LRIG3: variants seen among roughly 807,000 people sequenced by gnomAD.
LRIG3 encodes leucine-rich repeats and immunoglobulin-like domains protein 3.
Under a neutral mutation model 114.5 loss-of-function variants are expected in LRIG3, and 76 were observed. The ratio of observed to expected loss-of-function variants is 0.66; its 90% CI spans 0.55 to 0.80. The LOEUF (loss-of-function observed/expected upper bound fraction) is 0.80, where lower values mean the gene tolerates loss of function less well. Ranked by LOEUF, LRIG3 falls within the 30% of genes least tolerant of loss-of-function variation. The pLI is 0.00. For missense variants in LRIG3, 1,239 were observed against 1,382.8 expected (o/e 0.90, Z 1.65); for synonymous variants, 512 against 519.8 (o/e 0.98, Z 0.20).
At chr12:58,901,316 T>A (rs1478971820) in intron 3 of LRIG3, among the ~76,000 whole-genome samples, 2 of 152,220 alleles carry the variant, frequency 1.3e-5, no homozygotes, top group Admixed American at 1.3e-4. Flanking sequence ...GGTTGAGAGA[T>A]GACCCCACCA....
intron 3 of LRIG3, among the ~76,000 whole-genome samples, chr12:58,912,777 G>A (rs1409982784): frequency 6.6e-6 from 1 of 152,146 alleles, no homozygotes; most frequent in Admixed American, 6.5e-5. Flanking sequence ...AGCTGCAGAT[G>A]TTTACGATAC....
At chr12:58,880,168 C>T (rs1333185409) in intron 13 of LRIG3, among the ~76,000 whole-genome samples, 5 of 151,864 alleles carry the variant, frequency 3.3e-5, no homozygotes, top group African/African-American at 7.3e-5. Context: ...TGGTGGCGCA[C>T]GCCTGTAATC....
At chr12:58,912,320 C>T (rs149646660) in intron 3 of LRIG3, among the ~76,000 whole-genome samples, 2,822 of 152,146 alleles carry the variant, frequency 0.019, 88 homozygotes, top group African/African-American at 0.061. Flanking sequence ...CACGGTGAAA[C>T]CCCCTCTCTA....
chr12:58,917,693 A>G (rs1345614895), intron 1 of LRIG3, among the ~76,000 whole-genome samples: 1 of 152,230 alleles, frequency 6.6e-6, no homozygotes, highest in Non-Finnish European at 1.5e-5. Flanking sequence ...AATTCAACAA[A>G]TGAAACAAAA....
At chr12:58,878,741 C>T in intron 14 of LRIG3, 83 bp downstream of exon 14, 1 of 1,477,978 alleles carries the variant, frequency 6.8e-7, no homozygotes. Context: ...CTTACTCTCA[C>T]AACTTCTGAT....
At chr12:58,880,526 C>A in intron 13 of LRIG3, 55 bp downstream of exon 13, 1 of 1,545,542 alleles carries the variant, frequency 6.5e-7, no homozygotes, top group South Asian at 1.2e-5. Flanking sequence ...AAAACAGGTG[C>A]TTTCTATTTC....
rs1443108258 is a variant in LRIG3 at position 58,874,120 on chromosome 12, T to G, written c.3050A>C (p.Lys1017Thr). 1.9e-6 allele frequency: 3 copies of G among 1,614,214 alleles called. No individual in the cohort carries two copies. Among genetic ancestry groups the G allele is most frequent in the Non-Finnish European group, 2.5e-6 (3 of 1,180,032 alleles). The stretch of plus-strand genomic sequence containing the variant: ...ATTTGCACTAAAATCTAAAGAGGAC[T>G]TGTTTAGACACAGATTTTTCATTCC... ...GPGMKNLCLNKSSLDFSANPE... is the reference protein window; with the variant it reads ...GPGMKNLCLNTSSLDFSANPE... The change falls in exon 18 of 19, where the codon AAG becomes ACG. Residue 1017 changes from lysine to threonine, a missense_variant. Physicochemically the swap from Lys to Thr is moderately conservative, Grantham distance 78. Transcript: ENST00000320743.
rs139969938 is a variant in LRIG3, at chr12:58,874,506, C to T, written c.2763G>A (p.Pro921=). 3.2e-4 allele frequency: 524 copies of T among 1,614,172 alleles called. 4 individuals carry two copies. The African/African-American group carries it at 5.7e-3, about 17-fold the overall frequency. The change falls in exon 17 of 19, where the codon CCG becomes CCA. Residue 921 remains proline, a synonymous_variant. Transcript: ENST00000320743. ...VEAATDLFLC[P]FLGSTGPMYL... is the part of the protein sequence containing the mutation. ...ACATAGGGCCTGTGGATCCCAAAAACGGACAAAGGAACAGATCTGTGGCAG... is the reference window on the plus strand; with the variant it reads ...ACATAGGGCCTGTGGATCCCAAAAATGGACAAAGGAACAGATCTGTGGCAG...
Position 58,885,906 on chromosome 12 carries a change from G to A in LRIG3, c.1173-4C>T, listed in dbSNP as rs1187029374. On this transcript the variant is annotated splice_polypyrimidine_tract_variant and splice_region_variant and intron_variant, in intron 9 of 18. Coordinates refer to ENST00000320743, the MANE Select transcript of LRIG3 (RefSeq NM_153377.5). The stretch of plus-strand genomic sequence containing the variant: ...GATCCGATTTCCTTGGAGTATCCTG[G>A]GGAAAAAAATTACATTGGAGCACTT... The A allele has an allele frequency of 2.5e-6, 4 of 1,573,130 alleles. No homozygotes were observed. The highest frequency in any genetic ancestry group is 2.6e-6 in the Non-Finnish European group (3 of 1,154,354).
rs561604831 is a variant in LRIG3, at chr12:58,920,246, C to A, written c.-11G>T. On this transcript the variant is annotated 5_prime_UTR_variant, in exon 1 of 19. Coordinates refer to ENST00000320743, the MANE Select transcript of LRIG3 (RefSeq NM_153377.5). ...GCTCGGCGCGCTCATCGCGGTCCAG[C>A]GGCCTAGGTCTCTACCCGAAGCTCC... 3.7e-6 allele frequency: 5 copies of A among 1,350,932 alleles called. No homozygotes were observed. Among genetic ancestry groups the A allele is most frequent in the East Asian group, 3.1e-5 (1 of 32,462 alleles). The allele number at this position is 1,350,932 out of a possible 1,614,324, so 83.7% of individuals were successfully genotyped here.
At chr12:58,887,962 TTTTA>T (rs1336881475) in intron 7 of LRIG3, 30 bp from the exon 8 acceptor site, 7 of 1,597,190 alleles carry the variant, frequency 4.4e-6, no homozygotes, top group Non-Finnish European at 6.0e-6. Context: ...AAGCAATAGC[TTTTA>T]TTTTTCAATT....
intron 3 of LRIG3, among the ~76,000 whole-genome samples, chr12:58,896,619 A>G (rs1161428797): frequency 6.6e-6 from 1 of 152,232 alleles, no homozygotes; most frequent in South Asian, 2.1e-4. Context: ...AGGTATCTGC[A>G]TGCAGCATTT....
chr12:58,887,070 C>G (rs1871300909), intron 8 of LRIG3, 180 bp from the exon 9 acceptor site: 1 of 526,666 alleles, frequency 1.9e-6, no homozygotes, highest in South Asian at 2.9e-5. Flanking sequence ...CTGATTCCCT[C>G]AACAACATTT....
At chr12:58,881,225 T>C (rs987179926) in intron 12 of LRIG3, among the ~76,000 whole-genome samples, 3 of 152,152 alleles carry the variant, frequency 2.0e-5, no homozygotes, top group Non-Finnish European at 4.4e-5. Flanking sequence ...AGAAAGCAGT[T>C]TAAAAACTTC....
rs766115590 is a variant in LRIG3, at chr12:58,920,162, C to T, written c.74G>A (p.Gly25Asp). 5.8e-6 allele frequency: 9 copies of T among 1,539,498 alleles called. No individual in the cohort carries two copies. The South Asian group carries it at 7.2e-5, about 12-fold the overall frequency. The part of the protein sequence containing the change: ...LLLCAVLGRA[G>D]RSDSGGRGEL... ...CCCGCGACCGCCGCTGTCTGACCGG[C>T]CAGCGCGCCCCAGCACCGCGCACAG... Residue 25 changes from glycine (G) to aspartate (D), a missense_variant, in exon 1 of 19, where the codon GGC becomes GAC. By Grantham distance (94) the Gly-to-Asp change is moderately conservative. Transcript: ENST00000320743.
In LRIG3 at chr12:58,920,387, C is replaced by T. The variant is rs563875946; in HGVS notation, c.-152G>A. 317 of 516,628 alleles carry T rather than the reference C, an allele frequency of 6.1e-4. No individual in the cohort carries two copies. Among genetic ancestry groups the T allele is most frequent in the Non-Finnish European group, 7.6e-4 (246 of 325,108 alleles). 32.0% of individuals were successfully genotyped at this position (516,628 alleles called of 1,614,324 possible). ...GCCCGGTCAATTCCTTCTTTTACTC[C>T]CGGCGGCGAAGCCCTTTCATGCCCC... is the stretch of plus-strand genomic sequence containing the variant. On this transcript the variant is annotated 5_prime_UTR_variant, in exon 1 of 19. Coordinates refer to ENST00000320743, the MANE Select transcript of LRIG3 (RefSeq NM_153377.5).
At chr12:58,886,928 C>G in intron 8 of LRIG3, 38 bp from the exon 9 acceptor site, 2 of 1,548,850 alleles carry the variant, frequency 1.3e-6, no homozygotes, top group Non-Finnish European at 8.9e-7. Flanking sequence ...GAGTGATAAG[C>G]TCAGAAAGCC....
At chr12:58,883,076 G>T in intron 11 of LRIG3, 44 bp from the exon 12 acceptor site, 1 of 1,541,006 alleles carries the variant, frequency 6.5e-7, no homozygotes, top group South Asian at 1.2e-5. Flanking sequence ...ATGAAATGCA[G>T]ATTTCTACAA....
At chr12:58,905,805 C>T (rs1274209609) in intron 3 of LRIG3, among the ~76,000 whole-genome samples, 1 of 152,170 alleles carries the variant, frequency 6.6e-6, no homozygotes, top group Non-Finnish European at 1.5e-5. Flanking sequence ...TCTGCAGAGT[C>T]CCCACCAGCA....
Sources: allele counts gnomAD v4.1 joint callset (sites outside exome capture counted in the v4.1 genomes callset), GRCh38; gene constraint gnomAD v4.1.1; transcripts MANE v1.5; gene names NCBI Gene and HGNC (gene_info 2026-07-23, HGNC 2026-07-21).